IL1R1: variants seen among roughly 807,000 people sequenced by gnomAD.
IL1R1 encodes the protein interleukin-1 receptor type 1.
IL1R1 carries 22 observed loss-of-function variants against 50.2 expected under a neutral mutation model. That is an observed-to-expected ratio of 0.44 (90% confidence interval 0.31 to 0.63). The LOEUF (loss-of-function observed/expected upper bound fraction) is 0.63. IL1R1 is among the 20% of genes least tolerant of loss of function. The pLI, the probability that IL1R1 is intolerant of heterozygous loss-of-function variation, is 0.07. For missense variants in IL1R1, 509 were observed against 676.2 expected (o/e 0.75, Z 2.74); for synonymous variants, 251 against 236.7 (o/e 1.06, Z -0.55).
upstream of IL1R1, among the ~76,000 whole-genome samples, chr2:102,137,948 C>G (rs1682434534): frequency 6.6e-6 from 1 of 152,052 alleles, no homozygotes; most frequent in African/African-American, 2.4e-5. Flanking sequence ...ACTTAGAGAT[C>G]AATTACAAAA....
chr2:102,107,217 C>T (rs1680466899), intron 1 of IL1R1, among the ~76,000 whole-genome samples: 1 of 151,788 alleles, frequency 6.6e-6, no homozygotes, highest in South Asian at 2.1e-4. Flanking sequence ...GCACTATTCA[C>T]AATAGCAAAG....
At chr2:102,156,178 A>C (rs887416713) in intron 2 of IL1R1, 9 of 152,640 alleles carry the variant, frequency 5.9e-5, no homozygotes, top group African/African-American at 2.2e-4. Flanking sequence ...TCACAGAAAG[A>C]GCTCATAGAC....
chr2:102,106,130 GT>G (rs1180851765), intron 1 of IL1R1, among the ~76,000 whole-genome samples: 2 of 152,154 alleles, frequency 1.3e-5, no homozygotes, highest in African/African-American at 4.8e-5. Flanking sequence ...GGTGTGAGGA[GT>G]GGATGGTGGG....
intron 1 of IL1R1, among the ~76,000 whole-genome samples, chr2:102,097,758 A>T (rs1679968541): frequency 6.6e-6 from 1 of 152,090 alleles, no homozygotes; most frequent in African/African-American, 2.4e-5. Context: ...CTATCCTACA[A>T]AGAATAGTTT....
intron 1 of IL1R1, among the ~76,000 whole-genome samples, chr2:102,079,719 T>G (rs1422564048): frequency 6.6e-6 from 1 of 152,106 alleles, no homozygotes; most frequent in Admixed American, 6.6e-5. Context: ...CAAATTGCCT[T>G]TATTGCAGAA....
At chr2:102,160,230 C>T (rs1399148854) in intron 3 of IL1R1, among the ~76,000 whole-genome samples, 1 of 151,962 alleles carries the variant, frequency 6.6e-6, no homozygotes, top group Admixed American at 6.6e-5. Context: ...CCCTCACTAC[C>T]CTTTACAAAT....
At chr2:102,167,442 GTTTTTTTTT>G (rs3047461) in intron 6 of IL1R1, among the ~76,000 whole-genome samples, 1 of 68,916 alleles carries the variant, frequency 1.5e-5, no homozygotes, top group African/African-American at 6.3e-5. Flanking sequence ...TAGGTTAAGT[GTTTTTTTTT>G]TTTTTTTTTT....
At chr2:102,090,057 A>G (rs1240373579) in intron 1 of IL1R1, among the ~76,000 whole-genome samples, 1 of 151,048 alleles carries the variant, frequency 6.6e-6, no homozygotes, top group African/African-American at 2.4e-5. Flanking sequence ...GATGGTCTCG[A>G]TCTCCTGACC....
At chr2:102,159,811 C>T (rs574910785) in intron 3 of IL1R1, among the ~76,000 whole-genome samples, 10 of 152,248 alleles carry the variant, frequency 6.6e-5, no homozygotes, top group African/African-American at 2.4e-4. Context: ...GTTTTCAAAG[C>T]CTTTGTGTCT....
intron 7 of IL1R1, 112 bp downstream of exon 7, chr2:102,168,775 T>C (rs1685423010): frequency 2.7e-6 from 2 of 741,516 alleles, no homozygotes; most frequent in South Asian, 1.7e-5. Context: ...ACTGTATAAA[T>C]CTATCAATGG....
intron 3 of IL1R1, among the ~76,000 whole-genome samples, chr2:102,160,238 A>C (rs985415168): frequency 1.3e-5 from 2 of 151,930 alleles, no homozygotes; most frequent in African/African-American, 4.8e-5. Flanking sequence ...ACCCTTTACA[A>C]ATTATTTAAA....
chr2:102,160,615 C>A (rs1275395084), intron 3 of IL1R1, among the ~76,000 whole-genome samples: 1 of 152,122 alleles, frequency 6.6e-6, no homozygotes, highest in African/African-American at 2.4e-5. Context: ...TTATCCAACT[C>A]TCACACACCC....
intron 1 of IL1R1, among the ~76,000 whole-genome samples, chr2:102,147,599 C>T (rs1339947955): frequency 6.6e-6 from 1 of 152,100 alleles, no homozygotes; most frequent in African/African-American, 2.4e-5. Context: ...GTTCTGTTGT[C>T]CAGGAGCCCT....
In IL1R1 at chr2:102,177,700, G is replaced by C. The variant is rs1426680089; in HGVS notation, c.*941G>C. 1.3e-5 allele frequency: 2 copies of C among 152,350 alleles called. No individual in the cohort carries two copies. Among genetic ancestry groups the C allele is most frequent in the African/African-American group, 4.8e-5 (2 of 41,446 alleles). 9.4% of individuals were successfully genotyped at this position (152,350 alleles called of 1,614,324 possible). Reference sequence around the variant, plus strand: ...CACAGGAGGGAGAGAACTTAAAAAAGCAACAGTAGCAGGGAATTGATCCAC... The same window carrying C: ...CACAGGAGGGAGAGAACTTAAAAAACCAACAGTAGCAGGGAATTGATCCAC... On this transcript the variant is annotated 3_prime_UTR_variant, in exon 12 of 12. Coordinates refer to ENST00000410023, the MANE Select transcript of IL1R1 (RefSeq NM_000877.4).
intron 1 of IL1R1, among the ~76,000 whole-genome samples, chr2:102,085,827 A>G (rs1337080975): frequency 6.6e-6 from 1 of 152,132 alleles, no homozygotes; most frequent in Non-Finnish European, 1.5e-5. Flanking sequence ...CAAATCTTTC[A>G]ATTATTGAAC....
At chr2:102,109,315 C>T (rs1040654991) in intron 1 of IL1R1, among the ~76,000 whole-genome samples, 3 of 151,924 alleles carry the variant, frequency 2.0e-5, no homozygotes, top group Non-Finnish European at 2.9e-5. Context: ...AACATGCACT[C>T]TTCTGGGTTC....
At chr2:102,174,756 T>C (rs1292643139) in intron 10 of IL1R1, 26 bp downstream of exon 10, 28 of 1,582,340 alleles carry the variant, frequency 1.8e-5, no homozygotes, top group Non-Finnish European at 2.4e-5. Flanking sequence ...CCATGCAGTA[T>C]TTCTTGTTGG....
chr2:102,178,312 AG>A lies in IL1R1; in HGVS notation c.*1556del, dbSNP rs2104667922. On this transcript the variant is annotated 3_prime_UTR_variant, in exon 12 of 12. Coordinates refer to ENST00000410023, the MANE Select transcript of IL1R1 (RefSeq NM_000877.4). ...CTCCAGCTGGAATTGCTGCTCTCTG[AG>A]GGAGAGGCTGTGGTGGCTGTCTCTG... The A allele has an allele frequency of 6.6e-6, 1 of 152,446 alleles. No homozygotes were observed. Among genetic ancestry groups the A allele is most frequent in the South Asian group, 2.1e-4 (1 of 4,820 alleles). 9.4% of individuals were successfully genotyped at this position (152,446 alleles called of 1,614,324 possible).
At chr2:102,160,942 C>T (rs548478250) in intron 3 of IL1R1, among the ~76,000 whole-genome samples, 28 of 152,264 alleles carry the variant, frequency 1.8e-4, no homozygotes, top group Admixed American at 7.8e-4. Context: ...CACTCAGTCA[C>T]CTTCGTAAAT....
Sources: allele counts gnomAD v4.1 joint callset (sites outside exome capture counted in the v4.1 genomes callset), GRCh38; gene constraint gnomAD v4.1.1; transcripts MANE v1.5; gene names NCBI Gene and HGNC (gene_info 2026-07-23, HGNC 2026-07-21).